TMEM116: variants seen among roughly 807,000 people sequenced by gnomAD.
TMEM116 encodes transmembrane protein 116.
TMEM116 carries 38 observed loss-of-function variants against 44.3 expected under a neutral mutation model. That is an observed-to-expected ratio of 0.86 (90% confidence interval 0.66 to 1.12). The LOEUF is 1.12. TMEM116 is among the 50% of genes most tolerant of loss of function. The pLI is 0.00. For missense variants in TMEM116, 354 were observed against 401.7 expected (o/e 0.88, Z 1.01); for synonymous variants, 132 against 144.8 (o/e 0.91, Z 0.64).
At chr12:111,942,779 T>C (rs1469513383) in intron 5 of TMEM116, among the ~76,000 whole-genome samples, 3 of 136,850 alleles carry the variant, frequency 2.2e-5, no homozygotes, top group African/African-American at 8.3e-5. Context: ...TGTGTGTGTG[T>C]GTGGGTGTGT....
intron 4 of TMEM116, among the ~76,000 whole-genome samples, chr12:111,974,385 G>A (rs1699398151): frequency 6.6e-6 from 1 of 152,136 alleles, no homozygotes; most frequent in African/African-American, 2.4e-5. Context: ...GCTCATGCCT[G>A]TAATTCTAAC....
rs2072187267 is a variant in TMEM116 at position 111,936,679 on chromosome 12, G to A, written c.588+13C>T. 6.2e-7 allele frequency: 1 copy of A among 1,612,388 alleles called. No individual in the cohort carries two copies. The highest frequency in any genetic ancestry group is 1.3e-5 in the African/African-American group (1 of 74,870). ...CTCATCTCTCCACAAAGGAAGGTAG[G>A]GTGGTACCATACCATAATGGTAAGG... is the stretch of plus-strand genomic sequence containing the variant. On this transcript the variant is annotated intron_variant, in intron 8 of 10. Transcript: ENST00000552374.
intron 2 of TMEM116, among the ~76,000 whole-genome samples, chr12:112,004,214 CATGTGAT>C (rs2077447243): frequency 6.6e-6 from 1 of 151,590 alleles, no homozygotes. Flanking sequence ...CTCCTGGCCT[CATGTGAT>C]CTTCCCACTT....
intron 2 of TMEM116, 28 bp from the exon 3 acceptor site, chr12:112,003,891 T>C (rs1042514128): frequency 2.0e-6 from 3 of 1,485,066 alleles, no homozygotes; most frequent in Non-Finnish European, 1.8e-6. Flanking sequence ...TGATTGATCA[T>C]TAAAGCAGGA....
intron 4 of TMEM116, among the ~76,000 whole-genome samples, chr12:111,957,748 C>A (rs2074257146): frequency 1.3e-5 from 2 of 152,348 alleles, no homozygotes; most frequent in South Asian, 4.1e-4. Context: ...AGCCCCTCTG[C>A]CCGGCCACCA....
intron 1 of TMEM116, among the ~76,000 whole-genome samples, chr12:112,009,292 A>T (rs2136754648): frequency 6.6e-6 from 1 of 152,320 alleles, no homozygotes; most frequent in South Asian, 2.1e-4. Flanking sequence ...AATTTTGATA[A>T]AACTTGCCAG....
At chr12:111,987,483 T>C (rs1044898969) in intron 4 of TMEM116, among the ~76,000 whole-genome samples, 2 of 140,482 alleles carry the variant, frequency 1.4e-5, no homozygotes, top group African/African-American at 5.3e-5. Flanking sequence ...CCAGCCTGGG[T>C]GAGAAAGTGA....
chr12:111,995,257 T>C (rs1025068669), intron 3 of TMEM116, among the ~76,000 whole-genome samples: 5 of 151,890 alleles, frequency 3.3e-5, no homozygotes, highest in Admixed American at 3.3e-4. Context: ...GACAAATAGG[T>C]GAATAAAATG....
intron 1 of TMEM116, among the ~76,000 whole-genome samples, chr12:112,010,232 T>C (rs1051377885): frequency 6.6e-6 from 1 of 152,198 alleles, no homozygotes; most frequent in Admixed American, 6.5e-5. Flanking sequence ...ACCAGTTACA[T>C]AAAGCCTTGT....
At chr12:112,006,778 G>A (rs1467962016) in intron 1 of TMEM116, among the ~76,000 whole-genome samples, 1 of 152,178 alleles carries the variant, frequency 6.6e-6, no homozygotes, top group Non-Finnish European at 1.5e-5. Context: ...AAAAAAGAGA[G>A]CAGAAGGAAG....
chr12:111,945,589 A>G (rs908346935), intron 4 of TMEM116, among the ~76,000 whole-genome samples: 9 of 152,144 alleles, frequency 5.9e-5, no homozygotes, highest in African/African-American at 2.2e-4. Context: ...GCAAAGATAA[A>G]TGATTATTAA....
chr12:112,006,694 G>T (rs2077600287), intron 1 of TMEM116, among the ~76,000 whole-genome samples: 1 of 152,176 alleles, frequency 6.6e-6, no homozygotes, highest in Admixed American at 6.5e-5. Context: ...TTTGCGCACA[G>T]CAAGAATATA....
chr12:111,942,261 T>G (rs1172415742), intron 5 of TMEM116, among the ~76,000 whole-genome samples: 1 of 149,704 alleles, frequency 6.7e-6, no homozygotes, highest in Non-Finnish European at 1.5e-5. Flanking sequence ...GTTTGCTTGT[T>G]TTTGTTTTTG....
chr12:111,938,476 C>G (rs2072366315), intron 5 of TMEM116, among the ~76,000 whole-genome samples: 1 of 152,056 alleles, frequency 6.6e-6, no homozygotes, highest in Non-Finnish European at 1.5e-5. Context: ...AGGAAGTAGC[C>G]TAATATGGAC....
At chr12:111,935,660 G>GTGTT (rs56106637) in intron 8 of TMEM116, 5 of 143,188 alleles carry the variant, frequency 3.5e-5, no homozygotes, top group African/African-American at 1.3e-4. Context: ...GTGTGTGTGT[G>GTGTT]TTTTGAGACA....
intron 4 of TMEM116, among the ~76,000 whole-genome samples, chr12:111,960,888 A>G (rs2074540578): frequency 6.6e-6 from 1 of 152,170 alleles, no homozygotes; most frequent in Non-Finnish European, 1.5e-5. Flanking sequence ...TGAATCCAGG[A>G]CCTGATTTTT....
intron 4 of TMEM116, among the ~76,000 whole-genome samples, chr12:111,961,654 T>A (rs1331538834): frequency 6.6e-6 from 1 of 152,190 alleles, no homozygotes; most frequent in Non-Finnish European, 1.5e-5. Context: ...AAACTATGTA[T>A]TGATGGAACA....
chr12:111,964,399 A>G (rs1347706551), intron 4 of TMEM116, among the ~76,000 whole-genome samples: 1 of 151,274 alleles, frequency 6.6e-6, no homozygotes, highest in Non-Finnish European at 1.5e-5. Flanking sequence ...CTGAGATCAC[A>G]CCAATGCACT....
At chr12:111,983,360 T>C (rs1473345237) in intron 4 of TMEM116, among the ~76,000 whole-genome samples, 1 of 151,636 alleles carries the variant, frequency 6.6e-6, no homozygotes, top group Admixed American at 6.6e-5. Context: ...CGCTTGAGCC[T>C]GGGAGGCGGA....
Sources: allele counts gnomAD v4.1 joint callset (sites outside exome capture counted in the v4.1 genomes callset), GRCh38; gene constraint gnomAD v4.1.1; transcripts MANE v1.5; gene names NCBI Gene and HGNC (gene_info 2026-07-23, HGNC 2026-07-21).